Variants in CSMD1 observed in about 807,000 individuals in gnomAD.
CSMD1 encodes the protein CUB and sushi domain-containing protein 1.
Under a neutral mutation model 417.5 loss-of-function variants are expected in CSMD1, and 213 were observed. That is an observed-to-expected ratio of 0.51 (90% CI 0.46 to 0.57). The LOEUF is 0.57. Ranked by LOEUF, CSMD1 falls within the 20% of genes least tolerant of loss-of-function variation. The pLI, the probability that CSMD1 is intolerant of heterozygous loss-of-function variation, is 0.00. For missense variants in CSMD1, 6,923 were observed against 4,529.7 expected (o/e 1.53, Z -15.17); for synonymous variants, 2,862 against 1,736.8 (o/e 1.65, Z -16.11).
At chr8:4,423,784 G>C (rs1797390801) in intron 2 of CSMD1, among the ~76,000 whole-genome samples, 1 of 151,912 alleles carries the variant, frequency 6.6e-6, no homozygotes, top group Non-Finnish European at 1.5e-5. Context: ...GAATAAAGCA[G>C]GAGAAACAGT....
At chr8:3,552,735 C>G (rs1206559610) in intron 10 of CSMD1, among the ~76,000 whole-genome samples, 1 of 152,140 alleles carries the variant, frequency 6.6e-6, no homozygotes, top group African/African-American at 2.4e-5. Flanking sequence ...GTAAAGTATG[C>G]TTTTAGTTTA....
chr8:3,497,170 C>T lies in CSMD1; in HGVS notation c.1345-3444G>A, dbSNP rs117621809. 6.4e-4 allele frequency among the ~76,000 whole-genome samples: 97 copies of T among 152,200 alleles called. 2 individuals are homozygous for T. In the East Asian group the frequency reaches 0.015, roughly 23 times the overall value. On this transcript the variant is annotated intron_variant, in intron 10 of 69. Transcript: ENST00000635120. The stretch of plus-strand genomic sequence containing the variant: ...ATGTCCGTTAGGTCCATTTGGTCTA[C>T]ACTATAGTTTAAGTTTAACACTTCT...
intron 5 of CSMD1, among the ~76,000 whole-genome samples, chr8:3,905,398 A>G (rs978294848): frequency 6.6e-6 from 1 of 152,216 alleles, no homozygotes; most frequent in African/African-American, 2.4e-5. Context: ...AAATACTGGT[A>G]AGGCCACAAT....
rs528831896 is a variant in CSMD1, at chr8:3,147,952, T to C, written c.6031+3445A>G. On this transcript the variant is annotated intron_variant, in intron 40 of 69. Coordinates refer to ENST00000635120, the MANE Select transcript of CSMD1 (RefSeq NM_033225.6). Reference sequence around the variant, plus strand: ...TTAAGGAAGACAAATCTTCTGGCTATTCTTTTGCAACCTGATCACCAAGAT... The same window carrying C: ...TTAAGGAAGACAAATCTTCTGGCTACTCTTTTGCAACCTGATCACCAAGAT... 2.0e-5 allele frequency among the ~76,000 whole-genome samples: 3 copies of C among 152,352 alleles called. No homozygotes were observed. The East Asian group carries it at 5.8e-4, about 29-fold the overall frequency.
At chr8:3,854,797 C>T (rs576646431) in intron 5 of CSMD1, among the ~76,000 whole-genome samples, 5 of 151,740 alleles carry the variant, frequency 3.3e-5, no homozygotes, top group African/African-American at 7.3e-5. Context: ...AAATTCATAT[C>T]GAGCTGTTGA....
At chr8:3,448,904 C>A (rs185849995) in intron 12 of CSMD1, among the ~76,000 whole-genome samples, 2 of 152,176 alleles carry the variant, frequency 1.3e-5, no homozygotes, top group African/African-American at 4.8e-5. Context: ...AGAAGCACCT[C>A]CCTATGTATG....
intron 7 of CSMD1, among the ~76,000 whole-genome samples, chr8:3,648,146 T>C (rs918698649): frequency 6.6e-6 from 1 of 152,210 alleles, no homozygotes; most frequent in African/African-American, 2.4e-5. Context: ...TGGCCCCAGA[T>C]TAAGTTAGAT....
intron 3 of CSMD1, among the ~76,000 whole-genome samples, chr8:4,332,860 C>G (rs1306707989): frequency 6.6e-6 from 1 of 150,860 alleles, no homozygotes; most frequent in African/African-American, 2.4e-5. Context: ...TCCCAATCAT[C>G]TACACAAAGG....
chr8:4,338,864 T>C (rs1190980133), intron 3 of CSMD1, among the ~76,000 whole-genome samples: 3 of 152,140 alleles, frequency 2.0e-5, no homozygotes, highest in Non-Finnish European at 4.4e-5. Context: ...GAAGAAATTA[T>C]GGAAGGTTTA....
chr8:3,792,124 T>C (rs895581562), intron 5 of CSMD1, among the ~76,000 whole-genome samples: 3 of 152,122 alleles, frequency 2.0e-5, no homozygotes, highest in Non-Finnish European at 2.9e-5. Flanking sequence ...GGAGACCCTG[T>C]CTCTACGAAA....
chr8:3,363,985 C>G (rs1809385403), intron 20 of CSMD1, among the ~76,000 whole-genome samples: 2 of 152,090 alleles, frequency 1.3e-5, no homozygotes, highest in Admixed American at 1.3e-4. Flanking sequence ...CTAGGAAACA[C>G]AATCAGGAAA....
chr8:4,920,746 C>T (rs1191538407), intron 1 of CSMD1, among the ~76,000 whole-genome samples: 2 of 151,546 alleles, frequency 1.3e-5, no homozygotes, highest in East Asian at 3.9e-4. Flanking sequence ...TCACTTGAAC[C>T]CAGGAGGCAG....
At chr8:4,987,807 T>C (rs1200630387) in intron 1 of CSMD1, among the ~76,000 whole-genome samples, 1 of 152,124 alleles carries the variant, frequency 6.6e-6, no homozygotes, top group Non-Finnish European at 1.5e-5. Flanking sequence ...ACATGCTGAG[T>C]CTTCAGGTCT....
intron 10 of CSMD1, among the ~76,000 whole-genome samples, chr8:3,526,633 G>T (rs934643357): frequency 1.3e-5 from 2 of 152,066 alleles, no homozygotes; most frequent in Non-Finnish European, 2.9e-5. Flanking sequence ...TTTTTCCAAG[G>T]TACCTTCCCG....
intron 3 of CSMD1, among the ~76,000 whole-genome samples, chr8:4,248,579 T>G (rs952912685): frequency 6.6e-6 from 1 of 152,196 alleles, no homozygotes; most frequent in Non-Finnish European, 1.5e-5. Flanking sequence ...CTCTCTCACC[T>G]CCTTCAAATC....
intron 40 of CSMD1, among the ~76,000 whole-genome samples, chr8:3,150,916 A>C (rs1402974423): frequency 6.6e-6 from 1 of 152,248 alleles, no homozygotes; most frequent in Non-Finnish European, 1.5e-5. Context: ...GATATTAAAA[A>C]AACAACTTAT....
intron 3 of CSMD1, among the ~76,000 whole-genome samples, chr8:4,088,512 C>G (rs753445233): frequency 6.6e-6 from 1 of 152,152 alleles, no homozygotes; most frequent in African/African-American, 2.4e-5. Flanking sequence ...TGTTTTCAAC[C>G]CATGTCACTG....
intron 1 of CSMD1, chr8:4,788,037 C>T: frequency 6.3e-7 from 1 of 1,591,214 alleles, no homozygotes; most frequent in Non-Finnish European, 8.6e-7. Flanking sequence ...TGAAGGGCTC[C>T]AAATGGTAAA....
chr8:3,295,287 G>A (rs1191722751), intron 25 of CSMD1, among the ~76,000 whole-genome samples: 1 of 151,808 alleles, frequency 6.6e-6, no homozygotes, highest in East Asian at 1.9e-4. Flanking sequence ...ACCACACATG[G>A]CTAATTTTTT....
Sources: gnomAD v4.1 joint callset for allele counts (sites outside exome capture counted in the v4.1 genomes callset) on GRCh38, gnomAD v4.1.1 for gene constraint, MANE v1.5 for transcripts, NCBI Gene and HGNC (gene_info 2026-07-23, HGNC 2026-07-21) for gene names.